Variants in ZBTB20 observed in about 807,000 individuals in gnomAD.
The protein encoded by ZBTB20 is zinc finger and BTB domain-containing protein 20.
In ZBTB20, 9 loss-of-function variants were observed where a neutral mutation model predicts 56.9. The observed-to-expected ratio is 0.16, with a 90% confidence interval of 0.10 to 0.28. The LOEUF (loss-of-function observed/expected upper bound fraction) is 0.28, where lower values mean the gene tolerates loss of function less well. Among genes scored for constraint, ZBTB20 ranks in the 10% least tolerant of loss-of-function variants. The pLI is 1.00. For missense variants in ZBTB20, 655 were observed against 1,003.0 expected (o/e 0.65, Z 4.69); for synonymous variants, 417 against 420.7 (o/e 0.99, Z 0.11).
In ZBTB20 at chr3:114,350,782, A is replaced by G; in HGVS notation, c.1296T>C (p.Ser432=). ...QTNQLETGAS[S]PERSNEVEMD... Reference sequence around the variant, plus strand: ...TCTCCACTTCATTGCTTCTCTCCGGAGAGGAAGCACCTGTTTCTAGCTGGT... The same window carrying G: ...TCTCCACTTCATTGCTTCTCTCCGGGGAGGAAGCACCTGTTTCTAGCTGGT... The change falls in exon 11 of 12, where the codon TCT becomes TCC. Residue 432 remains serine, a synonymous_variant. Transcript: ENST00000675478. 6.2e-7 allele frequency: 1 copy of G among 1,614,050 alleles called. No homozygotes were observed. Among genetic ancestry groups the G allele is most frequent in the Non-Finnish European group, 8.5e-7 (1 of 1,179,990 alleles).
At chr3:114,551,943 C>T (rs1577489491) in intron 6 of ZBTB20, among the ~76,000 whole-genome samples, 1 of 152,206 alleles carries the variant, frequency 6.6e-6, no homozygotes, top group Non-Finnish European at 1.5e-5. Context: ...ATAGTGGCGG[C>T]TCACATCTAT....
At chr3:114,435,357 T>C (rs950183417) in intron 7 of ZBTB20, among the ~76,000 whole-genome samples, 3 of 152,212 alleles carry the variant, frequency 2.0e-5, no homozygotes, top group African/African-American at 7.2e-5. Flanking sequence ...ACATATGTTA[T>C]CTCATTTGAT....
intron 5 of ZBTB20, among the ~76,000 whole-genome samples, chr3:114,733,613 GCCCT>G (rs2065919424): frequency 6.6e-6 from 1 of 152,066 alleles, no homozygotes; most frequent in African/African-American, 2.4e-5. Context: ...CTACCTCTAT[GCCCT>G]CTCACCCTCC....
At chr3:114,921,965 C>A (rs754852624) in intron 3 of ZBTB20, among the ~76,000 whole-genome samples, 1 of 152,216 alleles carries the variant, frequency 6.6e-6, no homozygotes, top group Non-Finnish European at 1.5e-5. Context: ...CAAAGTACCA[C>A]CAAACCAAAT....
At position 114,560,006 on chromosome 3, in the gene ZBTB20, A is replaced by G. The variant is rs185630934; in HGVS notation, c.-294-59615T>C. Among the ~76,000 whole-genome samples, 440 of 152,344 alleles carry G rather than the reference A, an allele frequency of 2.9e-3. 11 individuals are homozygous for G. Among genetic ancestry groups the G allele is most frequent in the Admixed American group, 0.025 (378 of 15,302 alleles). On this transcript the variant is annotated intron_variant, in intron 6 of 11. Transcript: ENST00000675478. ...AGGCACCAGACAGACAATATGAAAA[A>G]AATATATAATTCTAAATGTAGGTCA...
At chr3:114,758,575 A>T (rs1281078399) in intron 5 of ZBTB20, among the ~76,000 whole-genome samples, 1 of 152,204 alleles carries the variant, frequency 6.6e-6, no homozygotes, top group African/African-American at 2.4e-5. Flanking sequence ...ATAACTAAAG[A>T]TCTTTAAATC....
rs145545603 is a variant in ZBTB20 at position 115,034,697 on chromosome 3, G to T, written c.-507+36522C>A. On this transcript the variant is annotated intron_variant, in intron 2 of 11. Coordinates refer to ENST00000675478, the MANE Select transcript of ZBTB20 (RefSeq NM_001348800.3). Reference sequence around the variant, plus strand: ...TATTCCCTATAAAAATCCAAATTATGTTTTCACAGAAATAGAAAAACTCAT... The same window carrying T: ...TATTCCCTATAAAAATCCAAATTATTTTTTCACAGAAATAGAAAAACTCAT... 6.5e-3 allele frequency among the ~76,000 whole-genome samples: 991 copies of T among 151,968 alleles called. 12 individuals are homozygous for T. The highest frequency in any genetic ancestry group is 0.022 in the African/African-American group (934 of 41,528).
intron 10 of ZBTB20, among the ~76,000 whole-genome samples, chr3:114,362,481 T>C (rs1265830860): frequency 1.3e-5 from 2 of 152,236 alleles, no homozygotes; most frequent in Non-Finnish European, 2.9e-5. Flanking sequence ...GAGATATGTC[T>C]ATGTGATATG....
rs530890836 is a variant in ZBTB20, at chr3:114,836,997, G to A, written c.-416-35823C>T. Among the ~76,000 whole-genome samples the A allele has an allele frequency of 2.6e-4, 40 of 152,008 alleles. 1 individual carries two copies. The South Asian group carries it at 7.9e-3, about 30-fold the overall frequency. Reference sequence around the variant, plus strand: ...TTCTAACATTTTTCCTTTGTTCACCGTGCTTCTTTGCCTATTCTGTCTCTA... The same window carrying A: ...TTCTAACATTTTTCCTTTGTTCACCATGCTTCTTTGCCTATTCTGTCTCTA... On this transcript the variant is annotated intron_variant, in intron 4 of 11. Coordinates refer to ENST00000675478, the MANE Select transcript of ZBTB20 (RefSeq NM_001348800.3).
At chr3:114,942,507 T>C (rs1211908504) in intron 3 of ZBTB20, among the ~76,000 whole-genome samples, 1 of 145,558 alleles carries the variant, frequency 6.9e-6, no homozygotes, top group Non-Finnish European at 1.5e-5. Context: ...AACATAGTGC[T>C]CAACTACCAC....
chr3:114,439,540 T>C (rs920887843), intron 7 of ZBTB20, among the ~76,000 whole-genome samples: 14 of 152,268 alleles, frequency 9.2e-5, no homozygotes, highest in African/African-American at 3.1e-4. Context: ...GGTAACATCA[T>C]GTCTAAAAAA....
intron 7 of ZBTB20, among the ~76,000 whole-genome samples, chr3:114,392,991 C>T (rs955345564): frequency 6.6e-6 from 1 of 152,214 alleles, no homozygotes; most frequent in Non-Finnish European, 1.5e-5. Flanking sequence ...TACTACAAGA[C>T]CTCATCTGCA....
intron 4 of ZBTB20, among the ~76,000 whole-genome samples, chr3:114,884,658 A>C (rs986264961): frequency 6.6e-6 from 1 of 152,236 alleles, no homozygotes; most frequent in Non-Finnish European, 1.5e-5. Context: ...GAAAGTAGAA[A>C]TGAGAAAAAT....
At chr3:114,644,642 A>G (rs984266914) in intron 6 of ZBTB20, among the ~76,000 whole-genome samples, 3 of 152,244 alleles carry the variant, frequency 2.0e-5, no homozygotes, top group African/African-American at 4.8e-5. Context: ...ATGCTTACAC[A>G]TTGTTGGTGG....
chr3:114,499,978 T>C (rs1403214889), intron 7 of ZBTB20, among the ~76,000 whole-genome samples: 2 of 152,166 alleles, frequency 1.3e-5, no homozygotes, highest in African/African-American at 2.4e-5. Flanking sequence ...TAGGGATGGG[T>C]ACATAACTGA....
intron 10 of ZBTB20, among the ~76,000 whole-genome samples, chr3:114,372,085 A>T (rs1287587219): frequency 6.6e-6 from 1 of 152,150 alleles, no homozygotes; most frequent in Non-Finnish European, 1.5e-5. Flanking sequence ...AAATGATCCA[A>T]CTCTAAGGGC....
At chr3:115,121,858 A>C (rs2084190012) in intron 1 of ZBTB20, among the ~76,000 whole-genome samples, 1 of 152,072 alleles carries the variant, frequency 6.6e-6, no homozygotes, top group South Asian at 2.1e-4. Context: ...CTTAAAGCTC[A>C]AAGTTCATTT....
chr3:114,516,769 T>C lies in ZBTB20; in HGVS notation c.-294-16378A>G, dbSNP rs562248783. Reference sequence around the variant, plus strand: ...CGATGACGGCAGAGATTGGGGCTGATGCTTCTATAAGCCAAGGAACACCAA... The same window carrying C: ...CGATGACGGCAGAGATTGGGGCTGACGCTTCTATAAGCCAAGGAACACCAA... On this transcript the variant is annotated intron_variant, in intron 6 of 11. Transcript: ENST00000675478. 2.7e-4 allele frequency among the ~76,000 whole-genome samples: 41 copies of C among 152,312 alleles called. 1 individual carries two copies. In the South Asian group the frequency reaches 8.5e-3, roughly 32 times the overall value.
At chr3:114,719,222 T>C (rs1394212385) in intron 5 of ZBTB20, among the ~76,000 whole-genome samples, 1 of 151,746 alleles carries the variant, frequency 6.6e-6, no homozygotes, top group East Asian at 1.9e-4. Flanking sequence ...GAAGGGAGCC[T>C]GGAGGACACC....
Sources: allele counts gnomAD v4.1 joint callset (sites outside exome capture counted in the v4.1 genomes callset), GRCh38; gene constraint gnomAD v4.1.1; transcripts MANE v1.5; gene names NCBI Gene and HGNC (gene_info 2026-07-23, HGNC 2026-07-21).